ANKH: variants seen among roughly 807,000 people sequenced by gnomAD.
ANKH encodes ANKH inorganic pyrophosphate transport regulator.
In ANKH, 15 loss-of-function variants were observed where a neutral mutation model predicts 49.0. That is an observed-to-expected ratio of 0.31 (90% CI 0.20 to 0.47). ANKH has a LOEUF of 0.47. ANKH is among the 20% of genes least tolerant of loss of function. The pLI is 1.00. For missense variants in ANKH, 429 were observed against 652.0 expected, an observed-to-expected ratio of 0.66 and a Z score of 3.72; for synonymous variants, 273 against 260.0, an observed-to-expected ratio of 1.05 and a Z score of -0.48.
At position 14,725,187 on chromosome 5, in the gene ANKH, G is replaced by A. The variant is rs1294000076; in HGVS notation, c.1012-8352C>T. ...GCCGGGCTGGCACTCCAACCCAGCTGTGTCTCTGTCTGTTGTCTCTAGGTG... is the reference window on the plus strand; with the variant it reads ...GCCGGGCTGGCACTCCAACCCAGCTATGTCTCTGTCTGTTGTCTCTAGGTG... On this transcript the variant is annotated intron_variant, in intron 8 of 11. Coordinates refer to ENST00000284268, the MANE Select transcript of ANKH (RefSeq NM_054027.6). This position sits in a 1 kb window ranked among gnomAD's most constrained non-coding sequence, Gnocchi z 4.0. Among the ~76,000 whole-genome samples, 3 of 152,224 alleles carry A rather than the reference G, an allele frequency of 2.0e-5. No homozygotes were observed. The highest frequency in any genetic ancestry group is 1.9e-4 in the East Asian group (1 of 5,194).
intron 1 of ANKH, among the ~76,000 whole-genome samples, chr5:14,830,465 T>C (rs570810070): frequency 1.8e-4 from 27 of 151,926 alleles, no homozygotes; most frequent in African/African-American, 6.3e-4. Flanking sequence ...GGCTGGAAAG[T>C]TATTCCCTGA....
chr5:14,736,167 A>G (rs960424251), intron 8 of ANKH, among the ~76,000 whole-genome samples: 4 of 152,014 alleles, frequency 2.6e-5, no homozygotes, highest in Non-Finnish European at 4.4e-5. Context: ...CTCTGCCTCA[A>G]GTGACAGCAA....
At chr5:14,715,448 C>T (rs574751235) in intron 9 of ANKH, among the ~76,000 whole-genome samples, 2 of 152,330 alleles carry the variant, frequency 1.3e-5, no homozygotes, top group African/African-American at 2.4e-5. Flanking sequence ...CCTTTCTTAA[C>T]ATTGTGGCTT....
chr5:14,818,082 A>G (rs71587605), intron 1 of ANKH, among the ~76,000 whole-genome samples: 49 of 87,032 alleles, frequency 5.6e-4, no homozygotes, highest in African/African-American at 1.1e-3. Flanking sequence ...AAAAAAAAAA[A>G]GGAAAAAAAA....
At chr5:14,762,644 A>C (rs867012777) in intron 2 of ANKH, among the ~76,000 whole-genome samples, 1 of 150,264 alleles carries the variant, frequency 6.7e-6, no homozygotes, top group Non-Finnish European at 1.5e-5. Context: ...GGGAGCTGTG[A>C]GTATAAAATC....
At position 14,758,513 on chromosome 5, in the gene ANKH, C is replaced by T. The variant is rs766058190; in HGVS notation, c.399G>A (p.Leu133=). The T allele has an allele frequency of 1.9e-6, 3 of 1,614,136 alleles. No individual in the cohort carries two copies. The highest frequency in any genetic ancestry group is 8.5e-7 in the Non-Finnish European group (1 of 1,179,994). The change falls in exon 3 of 12, where the codon CTG becomes CTA. Residue 133 remains leucine (L), a synonymous_variant. Transcript: ENST00000284268. ...CCATGAAAGGAAAGGCGGCGAGGTACAGGAAGGCCCTTCTCGTCTTGCTCC... is the reference window on the plus strand; with the variant it reads ...CCATGAAAGGAAAGGCGGCGAGGTATAGGAAGGCCCTTCTCGTCTTGCTCC... ...SVGSKTRRAF[L]YLAAFPFMDA...
chr5:14,841,404 CT>C (rs763920580), intron 1 of ANKH, among the ~76,000 whole-genome samples: 13 of 152,014 alleles, frequency 8.6e-5, no homozygotes, highest in Non-Finnish European at 1.5e-4. Flanking sequence ...TCAAGTGACT[CT>C]CCTGCCTCAG....
intron 1 of ANKH, among the ~76,000 whole-genome samples, chr5:14,832,937 C>T (rs184872651): frequency 2.2e-4 from 34 of 152,322 alleles, no homozygotes; most frequent in African/African-American, 7.2e-4. Flanking sequence ...CCGACCTTCC[C>T]GTGGACAACT....
At chr5:14,860,458 G>A (rs977556172) in intron 1 of ANKH, among the ~76,000 whole-genome samples, 4 of 152,150 alleles carry the variant, frequency 2.6e-5, no homozygotes, top group Non-Finnish European at 4.4e-5. Context: ...AGGCCTCAGC[G>A]TCCCAGCCAC....
intron 1 of ANKH, among the ~76,000 whole-genome samples, chr5:14,802,243 C>T (rs920277174): frequency 5.3e-5 from 8 of 152,140 alleles, no homozygotes; most frequent in Non-Finnish European, 8.8e-5. Context: ...CTTCAATGCT[C>T]CATTTCTTAA....
At chr5:14,792,993 TATATATATATATAAATATATATATATAA>T (rs1393040136) in intron 1 of ANKH, among the ~76,000 whole-genome samples, 10 of 90,596 alleles carry the variant, frequency 1.1e-4, no homozygotes, top group African/African-American at 2.0e-4. Context: ...TATATAAAAA[TATATATATATATAAATATATATATATAA>T]ATATATATAT....
intron 1 of ANKH, among the ~76,000 whole-genome samples, chr5:14,793,047 T>TATAAAAAA (rs1209292505): frequency 1.5e-5 from 1 of 64,784 alleles, no homozygotes; most frequent in Non-Finnish European, 2.8e-5. Context: ...AATATATATA[T>TATAAAAAA]AAATATATAT....
intron 1 of ANKH, among the ~76,000 whole-genome samples, chr5:14,853,722 T>C (rs1474030409): frequency 6.6e-6 from 1 of 152,140 alleles, no homozygotes; most frequent in Non-Finnish European, 1.5e-5. Context: ...TGGAGTGCAG[T>C]GGCGCGATAG....
intron 1 of ANKH, among the ~76,000 whole-genome samples, chr5:14,794,915 G>A (rs1236157433): frequency 1.3e-5 from 2 of 152,368 alleles, no homozygotes; most frequent in South Asian, 4.1e-4. Flanking sequence ...TGCTTTGGAA[G>A]GCATGGTCTT....
intron 1 of ANKH, among the ~76,000 whole-genome samples, chr5:14,832,936 C>T (rs1256778303): frequency 3.3e-5 from 5 of 152,196 alleles, no homozygotes; most frequent in Admixed American, 2.6e-4. Flanking sequence ...GCCGACCTTC[C>T]CGTGGACAAC....
intron 1 of ANKH, among the ~76,000 whole-genome samples, chr5:14,860,532 T>C (rs1735450904): frequency 6.6e-6 from 1 of 152,186 alleles, no homozygotes; most frequent in African/African-American, 2.4e-5. Context: ...TGTTGTTATT[T>C]ACTATTTTAT....
chr5:14,712,591 GC>G (rs1737265985), intron 11 of ANKH, among the ~76,000 whole-genome samples: 1 of 152,158 alleles, frequency 6.6e-6, no homozygotes, highest in African/African-American at 2.4e-5. Context: ...GCTGAATTTC[GC>G]CCCATCTACG....
rs1308788107 is a variant in ANKH, at chr5:14,718,839, C to A, written c.1012-2004G>T. On this transcript the variant is annotated intron_variant, in intron 8 of 11. Coordinates refer to ENST00000284268, the MANE Select transcript of ANKH (RefSeq NM_054027.6). ...CATCCTCCCAACACCACCCCCCCCC[C>A]AAAAAAAAAAGACATAGAAAAAGAT... 7.5e-4 allele frequency among the ~76,000 whole-genome samples: 100 copies of A among 133,906 alleles called. 3 individuals are homozygous for A. The highest frequency in any genetic ancestry group is 1.4e-3 in the Non-Finnish European group (86 of 62,818). 87.8% of individuals were successfully genotyped at this position (133,906 alleles called of 152,430 possible).
intron 2 of ANKH, among the ~76,000 whole-genome samples, chr5:14,760,817 A>T (rs959911089): frequency 6.6e-6 from 1 of 152,216 alleles, no homozygotes; most frequent in Non-Finnish European, 1.5e-5. Context: ...CTTGACTGCC[A>T]TGGTTGAAGC....
Sources: allele counts gnomAD v4.1 joint callset (sites outside exome capture counted in the v4.1 genomes callset), GRCh38; gene constraint gnomAD v4.1.1; non-coding constraint Gnocchi (gnomAD v3.1); transcripts MANE v1.5; gene names NCBI Gene and HGNC (gene_info 2026-07-23, HGNC 2026-07-21).